Variants in TMCC2 observed in about 807,000 individuals in gnomAD.
TMCC2 encodes the protein transmembrane and coiled-coil domain family 2, also known as transmembrane and coiled-coil domains protein 2.
A neutral mutation model predicts 49.4 loss-of-function variants in TMCC2; 16 were observed. That is an observed-to-expected ratio of 0.32 (90% CI 0.22 to 0.49). TMCC2 has a LOEUF of 0.49. Ranked by LOEUF, TMCC2 falls within the 20% of genes least tolerant of loss-of-function variation. The probability of loss-of-function intolerance (pLI) is 0.99; values close to 1 mark genes in which losing one functional copy is unlikely to be tolerated. For missense variants in TMCC2, 762 were observed against 989.8 expected, an observed-to-expected ratio of 0.77 and a Z score of 3.09; for synonymous variants, 397 against 434.1, an observed-to-expected ratio of 0.91 and a Z score of 1.06.
At chr1:205,237,915 T>G (rs1478525331) in intron 1 of TMCC2, among the ~76,000 whole-genome samples, 3 of 152,210 alleles carry the variant, frequency 2.0e-5, no homozygotes, top group Non-Finnish European at 4.4e-5. Flanking sequence ...AGGCTCTCCT[T>G]TCTGACTACC....
intron 1 of TMCC2, among the ~76,000 whole-genome samples, chr1:205,232,579 G>A (rs899293184): frequency 1.3e-5 from 2 of 152,258 alleles, no homozygotes; most frequent in African/African-American, 4.8e-5. Context: ...TTGCATATGG[G>A]AGGAGAGGTG....
At chr1:205,246,733 C>A in intron 2 of TMCC2, 1 of 1,540,648 alleles carries the variant, frequency 6.5e-7, no homozygotes, top group South Asian at 1.2e-5. Flanking sequence ...TTAGAAAAAT[C>A]CTGTCAAGCA....
chr1:205,272,262 C>G lies in TMCC2; in HGVS notation c.*138C>G. On this transcript the variant is annotated 3_prime_UTR_variant, in exon 5 of 5. Coordinates refer to ENST00000358024, the MANE Select transcript of TMCC2 (RefSeq NM_014858.4). ...ATTCCAGCAGCTCCTGCCCCCTTCT[C>G]TGTACTTGCTTCTGTCTGACACCTT... The G allele has an allele frequency of 7.0e-7, 1 of 1,427,006 alleles. No homozygotes were observed. Among genetic ancestry groups the G allele is most frequent in the East Asian group, 2.5e-5 (1 of 39,930 alleles). 88.4% of individuals were successfully genotyped at this position (1,427,006 alleles called of 1,614,324 possible). A position where few individuals can be genotyped will look rare whatever the true frequency, so the allele number is the denominator to read the frequency against.
chr1:205,236,253 C>G (rs1297193594), intron 1 of TMCC2, among the ~76,000 whole-genome samples: 1 of 152,156 alleles, frequency 6.6e-6, no homozygotes, highest in African/African-American at 2.4e-5. Flanking sequence ...GCTCCTTGGT[C>G]TGTGTTCATC....
chr1:205,244,416 G>C (rs1660382198), intron 2 of TMCC2, among the ~76,000 whole-genome samples: 1 of 152,170 alleles, frequency 6.6e-6, no homozygotes, highest in African/African-American at 2.4e-5. Context: ...TTCTTACTTT[G>C]TTTTTATTTT....
At chr1:205,262,940 T>C (rs148714423) in intron 2 of TMCC2, among the ~76,000 whole-genome samples, 1 of 152,242 alleles carries the variant, frequency 6.6e-6, no homozygotes, top group Non-Finnish European at 1.5e-5. Flanking sequence ...AGTAAAAGTC[T>C]CTGGTTGGCA....
Position 205,241,792 on chromosome 1 carries a change from C to T in TMCC2, c.495C>T (p.Ala165=). Residue 165 remains alanine, a synonymous_variant, in exon 2 of 5, where the codon GCC becomes GCT. Transcript: ENST00000358024. The surrounding 1 kb of genome is among the most constrained non-coding windows in gnomAD (Gnocchi z 7.3). ...CCCGGCCCTCCATCAAGCGGGGCGC[C>T]AGCCTGCACAGCAGCAGTGGGGGCG... ...IRSRPSIKRG[A]SLHSSSGGGS... 6.2e-7 allele frequency: 1 copy of T among 1,608,466 alleles called. No individual in the cohort carries two copies. The highest frequency in any genetic ancestry group is 1.3e-5 in the African/African-American group (1 of 74,978).
chr1:205,244,780 G>A (rs1207737619), intron 2 of TMCC2, among the ~76,000 whole-genome samples: 10 of 152,058 alleles, frequency 6.6e-5, no homozygotes, highest in Non-Finnish European at 1.3e-4. Flanking sequence ...TTGAAACCTC[G>A]GCTAGCAGAG....
chr1:205,231,940 AAATAAT>A (rs139398807), intron 1 of TMCC2, among the ~76,000 whole-genome samples: 22 of 152,086 alleles, frequency 1.4e-4, no homozygotes, highest in East Asian at 1.2e-3. Context: ...AAAGGGGCAA[AAATAAT>A]AATAATAATA....
intron 2 of TMCC2, among the ~76,000 whole-genome samples, chr1:205,261,690 A>AATTATT (rs1661122355): frequency 6.6e-6 from 1 of 151,862 alleles, no homozygotes; most frequent in African/African-American, 2.4e-5. Flanking sequence ...AAAAAAAAAA[A>AATTATT]ATTATTATAG....
Position 205,264,789 on chromosome 1 carries a change from G to A in TMCC2, c.748-4161G>A, listed in dbSNP as rs1375708056. Among the ~76,000 whole-genome samples, 1 of 152,144 alleles carries A rather than the reference G, an allele frequency of 6.6e-6. No individual in the cohort carries two copies. The highest frequency in any genetic ancestry group is 2.4e-5 in the African/African-American group (1 of 41,430). ...TTACAGGTGTGAGCCACTGCGCCTG[G>A]CCCCTGTATTTTAAAATTTGTATTA... On this transcript the variant is annotated intron_variant, in intron 2 of 4. Coordinates refer to ENST00000358024, the MANE Select transcript of TMCC2 (RefSeq NM_014858.4). The surrounding 1 kb of genome is among the most constrained non-coding windows in gnomAD (Gnocchi z 4.2).
intron 2 of TMCC2, among the ~76,000 whole-genome samples, chr1:205,242,525 C>T (rs1660312854): frequency 6.6e-6 from 1 of 152,056 alleles, no homozygotes; most frequent in Admixed American, 6.6e-5. Flanking sequence ...ACTATTGGCA[C>T]CAACCAAAGA....
Position 205,244,266 on chromosome 1 carries a change from A to G in TMCC2, c.747+2222A>G, listed in dbSNP as rs1019319728. Among the ~76,000 whole-genome samples the G allele has an allele frequency of 5.3e-5, 8 of 152,242 alleles. No individual in the cohort carries two copies. In the East Asian group the frequency reaches 1.5e-3, roughly 29 times the overall value. On this transcript the variant is annotated intron_variant, in intron 2 of 4. Coordinates refer to ENST00000358024, the MANE Select transcript of TMCC2 (RefSeq NM_014858.4). ...CTCCATGCTGGCTGGAGAGGTCCCTATTAGGCAGAGATCGAAGATAGCAGT... is the reference window on the plus strand; with the variant it reads ...CTCCATGCTGGCTGGAGAGGTCCCTGTTAGGCAGAGATCGAAGATAGCAGT...
intron 1 of TMCC2, 188 bp downstream of exon 1, chr1:205,228,959 G>A (rs1187972386): frequency 1.4e-6 from 2 of 1,406,170 alleles, no homozygotes; most frequent in Middle Eastern, 2.6e-4. Flanking sequence ...TTTCAGCTCC[G>A]TGTCAGGTCT....
At chr1:205,256,934 G>A (rs1250166131) in intron 2 of TMCC2, among the ~76,000 whole-genome samples, 2 of 152,162 alleles carry the variant, frequency 1.3e-5, no homozygotes, top group Non-Finnish European at 2.9e-5. Context: ...CATGTCATGT[G>A]TCCTCGTGCA....
At position 205,241,385 on chromosome 1, in the gene TMCC2, T is replaced by G; in HGVS notation, c.208-120T>G. The G allele has an allele frequency of 8.9e-7, 1 of 1,128,038 alleles. No homozygotes were observed. The highest frequency in any genetic ancestry group is 2.6e-5 in the Admixed American group (1 of 37,990). The allele number at this position is 1,128,038 out of a possible 1,614,324, so 69.9% of individuals were successfully genotyped here. ...GGCCATCCACAGAGATCTTCCAGGT[T>G]CAGATGGCTGCATTAGCTATGCCAG... On this transcript the variant is annotated intron_variant, in intron 1 of 4. Coordinates refer to ENST00000358024, the MANE Select transcript of TMCC2 (RefSeq NM_014858.4). The surrounding 1 kb of genome is among the most constrained non-coding windows in gnomAD (Gnocchi z 7.3).
chr1:205,272,402 A>G lies in TMCC2; in HGVS notation c.*278A>G. ...GGGTTGGATTGTTTTGATTATTTAT[A>G]GTTACACAAGGACTTCTCCCAGCTG... On this transcript the variant is annotated 3_prime_UTR_variant, in exon 5 of 5. Coordinates refer to ENST00000358024, the MANE Select transcript of TMCC2 (RefSeq NM_014858.4). The G allele has an allele frequency of 1.9e-6, 1 of 525,774 alleles. No individual in the cohort carries two copies. Among genetic ancestry groups the G allele is most frequent in the Admixed American group, 3.5e-5 (1 of 28,466 alleles). 32.6% of individuals were successfully genotyped at this position (525,774 alleles called of 1,614,324 possible).
intron 2 of TMCC2, among the ~76,000 whole-genome samples, chr1:205,243,404 C>CAA (rs145949073): frequency 1.3e-5 from 2 of 151,858 alleles, no homozygotes; most frequent in South Asian, 4.2e-4. Context: ...AAAAAACCAA[C>CAA]AAAAAAAATC....
intron 4 of TMCC2, 163 bp downstream of exon 4, chr1:205,271,418 T>C: frequency 8.3e-7 from 1 of 1,197,744 alleles, no homozygotes; most frequent in Non-Finnish European, 1.2e-6. Flanking sequence ...GGGAGCGGAG[T>C]GGAGTGAGCA....
Sources: gnomAD v4.1 joint callset for allele counts (sites outside exome capture counted in the v4.1 genomes callset) on GRCh38, gnomAD v4.1.1 for gene constraint, Gnocchi (gnomAD v3.1) non-coding constraint, MANE v1.5 for transcripts, NCBI Gene and HGNC (gene_info 2026-07-23, HGNC 2026-07-21) for gene names.